The following PIAS1 variants were observed in gnomAD, a reference collection of about 807,000 sequenced individuals.
PIAS1 encodes E3 SUMO-protein ligase PIAS1.
Under a neutral mutation model 71.3 loss-of-function variants are expected in PIAS1, and 6 were observed. That is an observed-to-expected ratio of 0.08 (90% CI 0.05 to 0.17). The LOEUF is 0.17. PIAS1 is among the 10% of genes least tolerant of loss of function. The pLI is 1.00. For synonymous variants in PIAS1, 303 were observed against 292.9 expected, an observed-to-expected ratio of 1.03 and a Z score of -0.35; for missense variants, 555 against 793.6, an observed-to-expected ratio of 0.70 and a Z score of 3.61.
At chr15:68,112,412 T>G (rs919567688) in intron 2 of PIAS1, among the ~76,000 whole-genome samples, 1 of 152,320 alleles carries the variant, frequency 6.6e-6, no homozygotes, top group African/African-American at 2.4e-5. Flanking sequence ...GTCTTTGATT[T>G]CTTTCCTCCT....
At position 68,145,898 on chromosome 15, in the gene PIAS1, A is replaced by T; in HGVS notation, c.685A>T (p.Ser229Cys). Residue 229 changes from serine (S) to cysteine (C), a missense_variant, in exon 5 of 14, where the codon AGC becomes TGC. Transcript: ENST00000249636. The stretch of plus-strand genomic sequence containing the variant: ...TGTGAAAGTGAATACAAAACCTTGC[A>T]GCCTTCCAGTAAGTCCTAAGAGCTG... ...LCVKVNTKPC[S>C]LPGYLPPTKN... is the part of the protein sequence containing the mutation. 6.3e-7 allele frequency: 1 copy of T among 1,599,850 alleles called. No homozygotes were observed. Among genetic ancestry groups the T allele is most frequent in the South Asian group, 1.1e-5 (1 of 90,772 alleles).
chr15:68,166,335 G>T (rs1017137555), intron 8 of PIAS1, among the ~76,000 whole-genome samples: 7 of 151,044 alleles, frequency 4.6e-5, no homozygotes, highest in South Asian at 4.2e-4. Context: ...TGTGTGTGTG[G>T]TTTTTTTGTT....
At chr15:68,134,669 A>C (rs58681831) in intron 2 of PIAS1, among the ~76,000 whole-genome samples, 541 of 10,780 alleles carry the variant, frequency 0.05, 132 homozygotes, top group Middle Eastern at 0.17. Context: ...GGGCGGGGGG[A>C]TGACCCCCCC....
intron 4 of PIAS1, 84 bp from the exon 5 acceptor site, chr15:68,145,732 A>G: frequency 3.8e-6 from 3 of 790,206 alleles, no homozygotes; most frequent in African/African-American, 1.8e-5. Flanking sequence ...TAAATTTACC[A>G]TCTTTTAAAT....
chr15:68,077,895 A>T (rs1164014194), intron 1 of PIAS1, among the ~76,000 whole-genome samples: 1 of 152,226 alleles, frequency 6.6e-6, no homozygotes, highest in Non-Finnish European at 1.5e-5. Context: ...ACCCAGACTG[A>T]AGGCTGTAAT....
chr15:68,102,863 T>C (rs1227230449), intron 2 of PIAS1, among the ~76,000 whole-genome samples: 1 of 152,148 alleles, frequency 6.6e-6, no homozygotes, highest in Admixed American at 6.6e-5. Flanking sequence ...TACTTTGCCT[T>C]ATTGCTTTAT....
chr15:68,097,498 T>A (rs917084329), intron 2 of PIAS1, among the ~76,000 whole-genome samples: 3 of 152,130 alleles, frequency 2.0e-5, no homozygotes, highest in Admixed American at 2.0e-4. Flanking sequence ...AATGGCATGA[T>A]CTCAGTTCAC....
Position 68,186,337 on chromosome 15 carries a change from G to A in PIAS1, c.1663-1205G>A, listed in dbSNP as rs1380578328. ...TCATTTTTAACAAAAAAGTTAAAAA[G>A]TAAAAAATATTTTAAAATGTTAAAA... On this transcript the variant is annotated intron_variant, in intron 13 of 13. Coordinates refer to ENST00000249636, the MANE Select transcript of PIAS1 (RefSeq NM_016166.3). The surrounding 1 kb of genome is among the most constrained non-coding windows in gnomAD (Gnocchi z 4.4). Among the ~76,000 whole-genome samples, 1 of 152,110 alleles carries A rather than the reference G, an allele frequency of 6.6e-6. No individual in the cohort carries two copies. Among genetic ancestry groups the A allele is most frequent in the Non-Finnish European group, 1.5e-5 (1 of 68,004 alleles).
intron 1 of PIAS1, among the ~76,000 whole-genome samples, chr15:68,067,175 G>A (rs1429234369): frequency 1.3e-5 from 2 of 152,280 alleles, no homozygotes; most frequent in East Asian, 1.9e-4. Context: ...CTTGTGTTAC[G>A]AGAGGCTAGT....
intron 4 of PIAS1, among the ~76,000 whole-genome samples, chr15:68,143,756 T>G (rs1446869760): frequency 6.6e-6 from 1 of 152,124 alleles, no homozygotes; most frequent in Non-Finnish European, 1.5e-5. Flanking sequence ...ACTTGTTGCA[T>G]GGAGCCACCC....
intron 7 of PIAS1, among the ~76,000 whole-genome samples, chr15:68,158,031 C>T (rs1359249180): frequency 6.6e-6 from 1 of 152,168 alleles, no homozygotes; most frequent in Non-Finnish European, 1.5e-5. Context: ...ACGCCTTTTT[C>T]TATCTCCTCT....
At chr15:68,057,421 AAT>A (rs2091908116) in intron 1 of PIAS1, 5 of 399,974 alleles carry the variant, frequency 1.3e-5, no homozygotes, top group East Asian at 8.3e-5. Context: ...TTTAAAAAAA[AAT>A]ATGTGTTTTT....
intron 2 of PIAS1, among the ~76,000 whole-genome samples, chr15:68,141,110 G>T (rs904183260): frequency 2.0e-5 from 3 of 152,228 alleles, no homozygotes; most frequent in Admixed American, 1.3e-4. Flanking sequence ...GGGTGAGGCA[G>T]GAGGATCACT....
chr15:68,083,174 C>A (rs2092245248), intron 1 of PIAS1, among the ~76,000 whole-genome samples: 1 of 152,004 alleles, frequency 6.6e-6, no homozygotes, highest in Non-Finnish European at 1.5e-5. Flanking sequence ...TTTTTAAACA[C>A]CTTAAATGCA....
intron 2 of PIAS1, among the ~76,000 whole-genome samples, chr15:68,104,847 A>C (rs538017287): frequency 1.9e-4 from 29 of 152,292 alleles, no homozygotes; most frequent in African/African-American, 6.5e-4. Context: ...AGGGTCTCTG[A>C]CAGAAGAAGC....
At chr15:68,141,305 G>C (rs2092768374) in intron 2 of PIAS1, among the ~76,000 whole-genome samples, 2 of 152,162 alleles carry the variant, frequency 1.3e-5, no homozygotes, top group South Asian at 4.1e-4. Context: ...GCTTGCATGC[G>C]TTTCTCTTTC....
intron 1 of PIAS1, among the ~76,000 whole-genome samples, chr15:68,076,296 A>G (rs1440692138): frequency 6.6e-6 from 1 of 152,098 alleles, no homozygotes; most frequent in South Asian, 2.1e-4. Flanking sequence ...GGATCATGTC[A>G]GGAGATTGAG....
intron 6 of PIAS1, among the ~76,000 whole-genome samples, chr15:68,148,903 A>G (rs1297646643): frequency 6.6e-6 from 1 of 152,088 alleles, no homozygotes; most frequent in African/African-American, 2.4e-5. Context: ...AGTGGTGGCG[A>G]TAGAAATGGA....
rs1167061486 is a variant in PIAS1 at position 68,186,409 on chromosome 15, C to T, written c.1663-1133C>T. ...ATATAAAGAAGGAAATATTTTTGTTCAGCTGTACAATGTACTTGTGTTTTA... is the reference window on the plus strand; with the variant it reads ...ATATAAAGAAGGAAATATTTTTGTTTAGCTGTACAATGTACTTGTGTTTTA... On this transcript the variant is annotated intron_variant, in intron 13 of 13. Transcript: ENST00000249636. The surrounding 1 kb of genome is among the most constrained non-coding windows in gnomAD (Gnocchi z 4.4). Among the ~76,000 whole-genome samples, 1 of 152,166 alleles carries T rather than the reference C, an allele frequency of 6.6e-6. No individual in the cohort carries two copies. The highest frequency in any genetic ancestry group is 1.5e-5 in the Non-Finnish European group (1 of 68,012).
Sources: gnomAD v4.1 joint callset for allele counts (sites outside exome capture counted in the v4.1 genomes callset) on GRCh38, gnomAD v4.1.1 for gene constraint, Gnocchi (gnomAD v3.1) non-coding constraint, MANE v1.5 for transcripts, NCBI Gene and HGNC (gene_info 2026-07-23, HGNC 2026-07-21) for gene names.